Variants in DSP observed in about 807,000 individuals in gnomAD.
DSP encodes the protein desmoplakin, also known as 250/210 kDa paraneoplastic pemphigus antigen.
Under a neutral mutation model 290.6 loss-of-function variants are expected in DSP, and 114 were observed. The ratio of observed to expected loss-of-function variants is 0.39; its 90% CI spans 0.34 to 0.46. The LOEUF is 0.46. DSP is among the 20% of genes least tolerant of loss of function. DSP has a pLI of 0.99. For missense variants in DSP, 3,230 were observed against 3,495.8 expected, an observed-to-expected ratio of 0.92 and a Z score of 1.92; for synonymous variants, 1,311 against 1,316.4, an observed-to-expected ratio of 1.00 and a Z score of 0.09.
chr6:7,581,532 G>T lies in DSP; in HGVS notation c.5342G>T (p.Arg1781Ile). The T allele has an allele frequency of 6.2e-7, 1 of 1,614,076 alleles. No individual in the cohort carries two copies. Among genetic ancestry groups the T allele is most frequent in the Non-Finnish European group, 8.5e-7 (1 of 1,180,036 alleles). ...NDLQRERENL[R>I]QEIEKFQKQA... ...TTACAGAGAGAGAGGGAAAATTTGA[G>T]ACAGGAAATTGAGAAATTCCAAAAG... The change falls in exon 23 of 24, where the codon AGA becomes ATA. Residue 1781 changes from arginine to isoleucine, a missense_variant. Transcript: ENST00000379802.
intron 1 of DSP, among the ~76,000 whole-genome samples, chr6:7,552,393 T>A (rs1237745687): frequency 3.3e-5 from 4 of 121,956 alleles, no homozygotes; most frequent in East Asian, 2.3e-4. Flanking sequence ...CCATCTCTAT[T>A]AAAAATACAA....
chr6:7,580,303 C>T lies in DSP; in HGVS notation c.4113C>T (p.Asn1371=). The change falls in exon 23 of 24, where the codon AAC becomes AAT. Residue 1371 remains asparagine (N), a synonymous_variant. Transcript: ENST00000379802. The surrounding 1 kb of genome is among the most constrained non-coding windows in gnomAD (Gnocchi z 4.2). ...AAAATCAGTTTGAGACCGAGATCAACATCACCAAGACCACCATCCACCAGC... is the reference window on the plus strand; with the variant it reads ...AAAATCAGTTTGAGACCGAGATCAATATCACCAAGACCACCATCCACCAGC... ...SLKNQFETEI[N]ITKTTIHQLT... 1.9e-6 allele frequency: 3 copies of T among 1,613,842 alleles called. No individual in the cohort carries two copies. The highest frequency in any genetic ancestry group is 2.5e-6 in the Non-Finnish European group (3 of 1,179,912).
rs765247380 is a variant in DSP at position 7,580,209 on chromosome 6, G to A, written c.4019G>A (p.Arg1340His). 6.8e-6 allele frequency: 11 copies of A among 1,613,890 alleles called. No individual in the cohort carries two copies. The highest frequency in any genetic ancestry group is 2.2e-5 in the East Asian group (1 of 44,884). The change falls in exon 23 of 24, where the codon CGC becomes CAC. Residue 1340 changes from arginine (R) to histidine (H), a missense_variant. By Grantham distance (29) the Arg-to-His change is conservative. Around this residue, in one of 5 missense-constraint regions of DSP, gnomAD observed 1,714 missense variants for 1,844.5 expected, o/e 0.93. Transcript: ENST00000379802. The surrounding 1 kb of genome is among the most constrained non-coding windows in gnomAD (Gnocchi z 4.2). ...LKAEFQEEAK[R>H]RWEYENELSK... ...GCTGAGTTTCAGGAGGAGGCCAAGC[G>A]CCGCTGGGAATATGAAAATGAACTG... is the stretch of plus-strand genomic sequence containing the variant.
In DSP at chr6:7,585,072, A is replaced by G. The variant is rs1301635888; in HGVS notation, c.7810A>G (p.Ile2604Val). ...STISSVRNLT[I>V]RSSSFSDTLE... is the part of the protein sequence containing the mutation. ...CATATCCAGCGTCAGGAATTTAACC[A>G]TAAGGAGCAGCTCTTTTTCAGACAC... is the stretch of plus-strand genomic sequence containing the variant. The change falls in exon 24 of 24, where the codon ATA becomes GTA. Residue 2604 changes from isoleucine (I) to valine (V), a missense_variant. Transcript: ENST00000379802. The G allele has an allele frequency of 1.9e-6, 3 of 1,614,080 alleles. No homozygotes were observed. Among genetic ancestry groups the G allele is most frequent in the Admixed American group, 1.7e-5 (1 of 60,010 alleles).
chr6:7,542,098 C>G lies in DSP; in HGVS notation c.170+13C>G. ...CGGACGGCTACTGGTGGGTACCTGC[C>G]CGGAGAGCGCGGGCTGCGGGGCTCG... On this transcript the variant is annotated intron_variant, in intron 1 of 23. Coordinates refer to ENST00000379802, the MANE Select transcript of DSP (RefSeq NM_004415.4). The G allele has an allele frequency of 6.4e-7, 1 of 1,554,322 alleles. No homozygotes were observed. The highest frequency in any genetic ancestry group is 8.7e-7 in the Non-Finnish European group (1 of 1,149,092).
chr6:7,574,600 T>C (rs1014741495), intron 16 of DSP, 57 bp from the exon 17 acceptor site: 3 of 1,611,752 alleles, frequency 1.9e-6, no homozygotes, highest in Non-Finnish European at 8.5e-7. Flanking sequence ...GAGAGGCAAA[T>C]CTTCACAGAC....
rs200336897 is a variant in DSP at position 7,581,363 on chromosome 6, C to T, written c.5173C>T (p.Arg1725Trp). Residue 1725 changes from arginine (R) to tryptophan (W), a missense_variant, in exon 23 of 24, where the codon CGG (arginine) becomes TGG (tryptophan). This residue lies in a region of DSP where 1,714 missense variants were observed against 1,844.5 expected (regional missense o/e 0.93). Transcript: ENST00000379802. Reference sequence around the variant, plus strand: ...GCACTTGATGTTAGAAGAAGAACTGCGGAACCTGAGGCTGGAGTACGATGA... The same window carrying T: ...GCACTTGATGTTAGAAGAAGAACTGTGGAACCTGAGGCTGGAGTACGATGA... ...KEHLMLEEEL[R>W]NLRLEYDDLR... 4.5e-5 allele frequency: 72 copies of T among 1,614,016 alleles called. No homozygotes were observed. Among genetic ancestry groups the T allele is most frequent in the African/African-American group, 4.0e-5 (3 of 74,894 alleles).
At chr6:7,562,411 A>T (rs1758723995) in intron 4 of DSP, among the ~76,000 whole-genome samples, 1 of 147,090 alleles carries the variant, frequency 6.8e-6, no homozygotes, top group Non-Finnish European at 1.5e-5. Context: ...CTTGGTTTTC[A>T]GGTTCCCATT....
chr6:7,571,767 T>G, intron 14 of DSP, 75 bp from the exon 15 acceptor site: 1 of 1,530,834 alleles, frequency 6.5e-7, no homozygotes, highest in Non-Finnish European at 9.0e-7. Context: ...TTAGGTAGTA[T>G]GGATGTTTTT....
chr6:7,575,323 A>C lies in DSP; in HGVS notation c.2465A>C (p.Lys822Thr). Residue 822 changes from lysine (K) to threonine (T), a missense_variant, in exon 18 of 24, where the codon AAG becomes ACG. Physicochemically the swap from Lys to Thr is moderately conservative, Grantham distance 78 (BLOSUM62 -1). Transcript: ENST00000379802. ...ATAAAAAATGACTTGAACTTGAAGA[A>C]GTCGTTGTTGGCCACTATGAAGACA... Reference protein sequence around the residue: ...KKIKNDLNLKKSLLATMKTEL... With the variant: ...KKIKNDLNLKTSLLATMKTEL... 1 of 1,614,058 alleles carries C rather than the reference A, an allele frequency of 6.2e-7. No homozygotes were observed.
Position 7,579,233 on chromosome 6 carries a change from A to T in DSP, c.3085-42A>T, listed in dbSNP as rs1039656996. 2 of 1,610,546 alleles carry T rather than the reference A, an allele frequency of 1.2e-6. No individual in the cohort carries two copies. Among genetic ancestry groups the T allele is most frequent in the African/African-American group, 2.7e-5 (2 of 74,820 alleles). ...AGTACTGCTTCTTTCTTGGAATGTGAGGTGTTTTTCTTTTGACATAATCTC... is the reference window on the plus strand; with the variant it reads ...AGTACTGCTTCTTTCTTGGAATGTGTGGTGTTTTTCTTTTGACATAATCTC... On this transcript the variant is annotated intron_variant, in intron 22 of 23. Transcript: ENST00000379802. This position sits in a 1 kb window ranked among gnomAD's most constrained non-coding sequence, Gnocchi z 4.1.
intron 2 of DSP, among the ~76,000 whole-genome samples, chr6:7,556,547 G>T (rs1176060419): frequency 2.6e-5 from 4 of 152,118 alleles, no homozygotes; most frequent in Admixed American, 2.6e-4. Flanking sequence ...CCCTAATGCC[G>T]ACACTGGTAT....
intron 4 of DSP, among the ~76,000 whole-genome samples, chr6:7,559,639 C>G (rs1005276726): frequency 1.3e-5 from 2 of 152,212 alleles, no homozygotes; most frequent in African/African-American, 4.8e-5. Flanking sequence ...CTTTATCACA[C>G]AGGTCATATT....
chr6:7,559,871 A>T (rs910675378), intron 4 of DSP, among the ~76,000 whole-genome samples: 2 of 152,228 alleles, frequency 1.3e-5, no homozygotes, highest in African/African-American at 4.8e-5. Flanking sequence ...GAAACTAGCC[A>T]TTCTGGTTTA....
In DSP at chr6:7,541,808, G is replaced by T. The variant is rs1050406321; in HGVS notation, c.-108G>T. On this transcript the variant is annotated 5_prime_UTR_variant, in exon 1 of 24. Coordinates refer to ENST00000379802, the MANE Select transcript of DSP (RefSeq NM_004415.4). ...GACCTCGCGAGCCTTCCGCACTCCC[G>T]CCCGGTTCCCCGGCCGTCCGCCTAT... 1.4e-6 allele frequency: 2 copies of T among 1,411,322 alleles called. No homozygotes were observed. Among genetic ancestry groups the T allele is most frequent in the Admixed American group, 2.2e-5 (1 of 44,804 alleles). The allele number at this position is 1,411,322 out of a possible 1,614,324, so 87.4% of individuals were successfully genotyped here. A position where few individuals can be genotyped will look rare whatever the true frequency, so the allele number is the denominator to read the frequency against.
chr6:7,567,748 T>C lies in DSP; in HGVS notation c.1141-33T>C, dbSNP rs1758906705. The C allele has an allele frequency of 1.9e-6, 3 of 1,613,604 alleles. No homozygotes were observed. The East Asian group carries it at 6.7e-5, about 36-fold the overall frequency. On this transcript the variant is annotated intron_variant, in intron 9 of 23. Coordinates refer to ENST00000379802, the MANE Select transcript of DSP (RefSeq NM_004415.4). ...TAGATGAAATTGCTCATTGAGTTGC[T>C]GTTCATTCACTGATCACTCTCATCC...
Position 7,565,758 on chromosome 6 carries a change from G to T in DSP, c.939+238G>T. On this transcript the variant is annotated intron_variant, in intron 7 of 23. Transcript: ENST00000379802. This position sits in a 1 kb window ranked among gnomAD's most constrained non-coding sequence, Gnocchi z 4.2. The stretch of plus-strand genomic sequence containing the variant: ...ATACCACATGTTCTCACTTAGGAGT[G>T]GGAACTAAATGATGAGAATACATGG... The T allele has an allele frequency of 1.9e-6, 1 of 528,150 alleles. No individual in the cohort carries two copies. The highest frequency in any genetic ancestry group is 3.4e-6 in the Non-Finnish European group (1 of 293,374). The allele number at this position is 528,150 out of a possible 1,614,324, so 32.7% of individuals were successfully genotyped here.
At position 7,570,366 on chromosome 6, in the gene DSP, T is replaced by C; in HGVS notation, c.1575-71T>C. On this transcript the variant is annotated intron_variant, in intron 12 of 23. Transcript: ENST00000379802. ...AGGTTTTTGTGCAGTGGTGTGAGCG[T>C]GTCCAGGTTTCCCATTTGGGATGAA... The C allele has an allele frequency of 3.1e-6, 5 of 1,612,004 alleles. No individual in the cohort carries two copies. In the South Asian group the frequency reaches 5.5e-5, roughly 18 times the overall value.
At chr6:7,571,333 A>T (rs984640852) in intron 13 of DSP, 50 bp from the exon 14 acceptor site, 3 of 1,609,020 alleles carry the variant, frequency 1.9e-6, no homozygotes, top group Non-Finnish European at 2.6e-6. Context: ...TCTTGATTGC[A>T]TTGTGGGGCA....
Sources: gnomAD v4.1 joint callset for allele counts (sites outside exome capture counted in the v4.1 genomes callset) on GRCh38, gnomAD v4.1.1 for gene constraint, gnomAD v4.1.1 regional missense constraint, Gnocchi (gnomAD v3.1) non-coding constraint, MANE v1.5 for transcripts, NCBI Gene and HGNC (gene_info 2026-07-23, HGNC 2026-07-21) for gene names.